NOP53: variants seen among roughly 807,000 people sequenced by gnomAD.
NOP53 encodes the protein ribosome biogenesis protein NOP53.
In NOP53, 40 loss-of-function variants were observed where a neutral mutation model predicts 61.0. That is an observed-to-expected ratio of 0.66 (90% CI 0.51 to 0.85). NOP53 has a LOEUF of 0.85. Ranked by LOEUF, NOP53 falls within the 40% of genes least tolerant of loss-of-function variation. NOP53 has a pLI of 0.00. For missense variants in NOP53, 689 were observed against 652.9 expected, an observed-to-expected ratio of 1.06 and a Z score of -0.60; for synonymous variants, 308 against 289.5, an observed-to-expected ratio of 1.06 and a Z score of -0.65.
intron 2 of NOP53, among the ~76,000 whole-genome samples, chr19:47,747,334 A>G (rs1967076785): frequency 6.6e-6 from 1 of 152,154 alleles, no homozygotes; most frequent in South Asian, 2.1e-4. Flanking sequence ...CAGAAAAGCA[A>G]GTCAAGGACC....
intron 12 of NOP53, 90 bp downstream of exon 12, chr19:47,756,834 C>A: frequency 6.6e-7 from 1 of 1,516,248 alleles, no homozygotes; most frequent in Non-Finnish European, 9.2e-7. Context: ...CAGAGTGTGG[C>A]TAGTGGCTGA....
At chr19:47,748,559 C>T (rs1967090299) in intron 2 of NOP53, among the ~76,000 whole-genome samples, 1 of 152,016 alleles carries the variant, frequency 6.6e-6, no homozygotes, top group Non-Finnish European at 1.5e-5. Flanking sequence ...GTGGAAGGAG[C>T]TGCCCTGAGG....
At chr19:47,756,851 C>A in intron 12 of NOP53, 107 bp downstream of exon 12, 3 of 1,485,584 alleles carry the variant, frequency 2.0e-6, no homozygotes, top group East Asian at 2.3e-5. Flanking sequence ...CTGAGCCACA[C>A]CCCCTTGGCC....
chr19:47,749,271 T>C (rs1005614459), intron 2 of NOP53, among the ~76,000 whole-genome samples: 3 of 151,986 alleles, frequency 2.0e-5, no homozygotes, highest in Non-Finnish European at 4.4e-5. Context: ...AATGAACAGA[T>C]GGGAAAGTAG....
chr19:47,752,613 C>A lies in NOP53; in HGVS notation c.765+6C>A, dbSNP rs1200292223. ...CATCCTTTGAAGACCACCAGGTACA[C>A]TGCCCCGTCCAGGCCTCCCTCCTCA... On this transcript the variant is annotated splice_donor_region_variant and intron_variant, in intron 6 of 12. Transcript: ENST00000246802. 2 of 1,558,412 alleles carry A rather than the reference C, an allele frequency of 1.3e-6. No individual in the cohort carries two copies. The highest frequency in any genetic ancestry group is 1.7e-5 in the Admixed American group (1 of 59,948).
At position 47,754,988 on chromosome 19, in the gene NOP53, A is replaced by G. The variant is rs1463242466; in HGVS notation, c.1053+97A>G. 3 of 1,156,054 alleles carry G rather than the reference A, an allele frequency of 2.6e-6. No individual in the cohort carries two copies. The highest frequency in any genetic ancestry group is 1.6e-5 in the African/African-American group (1 of 63,394). The allele number at this position is 1,156,054 out of a possible 1,614,324, so 71.6% of individuals were successfully genotyped here. A position where few individuals can be genotyped will look rare whatever the true frequency, so the allele number is the denominator to read the frequency against. On this transcript the variant is annotated intron_variant, in intron 8 of 12. Transcript: ENST00000246802. The surrounding 1 kb of genome is among the most constrained non-coding windows in gnomAD (Gnocchi z 4.2). ...GCCCTGGGTGCTGCGGGCAGCCTGC[A>G]CACCCCAAGCCCCGCATGTGGCCTG...
At position 47,754,841 on chromosome 19, in the gene NOP53, GAGA is replaced by G. The variant is rs757121218; in HGVS notation, c.1010_1012del (p.Lys337del). The stretch of plus-strand genomic sequence containing the variant: ...CACGCCCGCCCGCCTGGCCACCACA[GAGA>G]AGAAGACGGAGCAGCAGCGGCGGCG... On this transcript the variant is annotated inframe_deletion, in exon 8 of 13. Transcript: ENST00000246802. The surrounding 1 kb of genome is among the most constrained non-coding windows in gnomAD (Gnocchi z 4.2). 4.1e-5 allele frequency: 63 copies of G among 1,543,424 alleles called. No homozygotes were observed. The highest frequency in any genetic ancestry group is 5.1e-5 in the Non-Finnish European group (59 of 1,152,850).
chr19:47,754,681 C>A lies in NOP53; in HGVS notation c.871-28C>A. 6.5e-7 allele frequency: 1 copy of A among 1,539,944 alleles called. No individual in the cohort carries two copies. Among genetic ancestry groups the A allele is most frequent in the Non-Finnish European group, 8.8e-7 (1 of 1,139,886 alleles). ...CTCCCCTCCCCGGGCCTCCTACCCA[C>A]CCCTGACACTGCACCCCGCCTCCCC... On this transcript the variant is annotated intron_variant, in intron 7 of 12. Coordinates refer to ENST00000246802, the MANE Select transcript of NOP53 (RefSeq NM_015710.5). The surrounding 1 kb of genome is among the most constrained non-coding windows in gnomAD (Gnocchi z 4.2).
chr19:47,752,414 C>A, intron 5 of NOP53, 98 bp from the exon 6 acceptor site: 2 of 751,874 alleles, frequency 2.7e-6, no homozygotes, highest in Non-Finnish European at 4.6e-6. Flanking sequence ...CCACACCCAA[C>A]CACTGGCAAG....
In NOP53 at chr19:47,749,206, C is replaced by T. The variant is rs369727400; in HGVS notation, c.290-972C>T. On this transcript the variant is annotated intron_variant, in intron 2 of 12. Transcript: ENST00000246802. ...GGTTATTAGAGAAGTCAGCCTTGAC[C>T]GAAGTGAGTTGATCTGGTGTGTGAG... Among the ~76,000 whole-genome samples, 101 of 151,712 alleles carry T rather than the reference C, an allele frequency of 6.7e-4. 2 individuals carry two copies. In the South Asian group the frequency reaches 0.015, roughly 22 times the overall value.
At position 47,750,364 on chromosome 19, in the gene NOP53, T is replaced by A. The variant is rs150534013; in HGVS notation, c.398+78T>A. The A allele has an allele frequency of 1.6e-3, 1,409 of 855,162 alleles. 2 individuals carry two copies. The highest frequency in any genetic ancestry group is 2.0e-3 in the Non-Finnish European group (1,002 of 506,170). The allele number at this position is 855,162 out of a possible 1,614,324, so 53.0% of individuals were successfully genotyped here. A position where few individuals can be genotyped will look rare whatever the true frequency, so the allele number is the denominator to read the frequency against. On this transcript the variant is annotated intron_variant, in intron 3 of 12. Coordinates refer to ENST00000246802, the MANE Select transcript of NOP53 (RefSeq NM_015710.5). ...AAGGGTTTCCGGGGCTGGGGGCTGG[T>A]AGGTGAGGGTCATTTGAAGGGTAGG... is the stretch of plus-strand genomic sequence containing the variant.
chr19:47,747,266 T>C (rs1967076130), intron 2 of NOP53, among the ~76,000 whole-genome samples: 1 of 152,158 alleles, frequency 6.6e-6, no homozygotes. Flanking sequence ...GATAAGCTGC[T>C]GGGAGTCTGC....
Position 47,754,755 on chromosome 19 carries a change from A to G in NOP53, c.917A>G (p.Asp306Gly). The change falls in exon 8 of 13, where the codon GAT (aspartate) becomes GGT (glycine). Residue 306 changes from aspartate to glycine, a missense_variant. Coordinates refer to ENST00000246802, the MANE Select transcript of NOP53 (RefSeq NM_015710.5). This position sits in a 1 kb window ranked among gnomAD's most constrained non-coding sequence, Gnocchi z 4.2. ...ELCEGLLEES[D>G]GEGEPGQGEG... Reference sequence around the variant, plus strand: ...TGCGAGGGGCTGCTGGAGGAGTCGGATGGTGAGGGGGAGCCAGGCCAGGGC... The same window carrying G: ...TGCGAGGGGCTGCTGGAGGAGTCGGGTGGTGAGGGGGAGCCAGGCCAGGGC... The G allele has an allele frequency of 6.5e-7, 1 of 1,527,798 alleles. No individual in the cohort carries two copies. Among genetic ancestry groups the G allele is most frequent in the Non-Finnish European group, 8.8e-7 (1 of 1,133,812 alleles). 94.6% of individuals were successfully genotyped at this position (1,527,798 alleles called of 1,614,324 possible).
In NOP53 at chr19:47,755,826, C is replaced by T. The variant is rs1437885953; in HGVS notation, c.1296+4C>T. On this transcript the variant is annotated splice_donor_region_variant and intron_variant, in intron 10 of 12. Transcript: ENST00000246802. ...AGACTCGCTCAGGACCCTGAAGGTG[C>T]TCACTGTGTCCTGCCGTGGAGCCCC... 1 of 1,605,562 alleles carries T rather than the reference C, an allele frequency of 6.2e-7. No homozygotes were observed. Among genetic ancestry groups the T allele is most frequent in the African/African-American group, 1.3e-5 (1 of 74,748 alleles).
At chr19:47,755,276 C>T in intron 8 of NOP53, 72 bp from the exon 9 acceptor site, 1 of 1,062,208 alleles carries the variant, frequency 9.4e-7, no homozygotes, top group Non-Finnish European at 1.3e-6. Flanking sequence ...AGGGAAGGCT[C>T]CCTGTGTAGA....
At chr19:47,746,037 A>G in intron 1 of NOP53, 1 of 501,138 alleles carries the variant, frequency 2.0e-6, no homozygotes, top group Non-Finnish European at 3.5e-6. Flanking sequence ...TAGGTAAACA[A>G]TGAATAATTT....
In NOP53 at chr19:47,754,822, C is replaced by A; in HGVS notation, c.984C>A (p.Pro328=). The stretch of plus-strand genomic sequence containing the variant: ...GGGATGCCGAGGTCTGTCCCACGCC[C>A]GCCCGCCTGGCCACCACAGAGAAGA... ...EAGDAEVCPT[P]ARLATTEKKT... is the part of the protein sequence containing the mutation. Residue 328 remains proline (P), a synonymous_variant, in exon 8 of 13, where the codon CCC becomes CCA. Transcript: ENST00000246802. The surrounding 1 kb of genome is among the most constrained non-coding windows in gnomAD (Gnocchi z 4.2). The A allele has an allele frequency of 6.5e-7, 1 of 1,535,844 alleles. No homozygotes were observed. The highest frequency in any genetic ancestry group is 8.7e-7 in the Non-Finnish European group (1 of 1,147,916).
At position 47,747,088 on chromosome 19, in the gene NOP53, G is replaced by T. The variant is rs777045282; in HGVS notation, c.289+57G>T. On this transcript the variant is annotated intron_variant, in intron 2 of 12. Transcript: ENST00000246802. ...GGTTATTCATTGTTAGTCAGCTTACGGTAGCCTCTGAGATCTGTGTTAATG... is the reference window on the plus strand; with the variant it reads ...GGTTATTCATTGTTAGTCAGCTTACTGTAGCCTCTGAGATCTGTGTTAATG... 3.0e-6 allele frequency: 4 copies of T among 1,345,278 alleles called. No individual in the cohort carries two copies. In the African/African-American group the frequency reaches 5.8e-5, roughly 19 times the overall value. The allele number at this position is 1,345,278 out of a possible 1,614,324, so 83.3% of individuals were successfully genotyped here.
chr19:47,751,802 C>T (rs1034757966), intron 5 of NOP53, among the ~76,000 whole-genome samples: 1 of 152,090 alleles, frequency 6.6e-6, no homozygotes, highest in African/African-American at 2.4e-5. Context: ...CTATATCTTC[C>T]TCTAAAATGC....
Sources: allele counts gnomAD v4.1 joint callset (sites outside exome capture counted in the v4.1 genomes callset), GRCh38; gene constraint gnomAD v4.1.1; non-coding constraint Gnocchi (gnomAD v3.1); transcripts MANE v1.5; gene names NCBI Gene and HGNC (gene_info 2026-07-23, HGNC 2026-07-21).